CES5A: variants seen among roughly 807,000 people sequenced by gnomAD.
CES5A encodes the protein carboxylesterase 5A.
In CES5A, 67 loss-of-function variants were observed where a neutral mutation model predicts 62.9. The ratio of observed to expected loss-of-function variants is 1.07; its 90% confidence interval spans 0.88 to 1.31. The LOEUF (loss-of-function observed/expected upper bound fraction) is 1.31. CES5A is among the 50% of genes most tolerant of loss of function. The probability of loss-of-function intolerance (pLI) is 0.00; values close to 1 mark genes in which losing one functional copy is unlikely to be tolerated. For synonymous variants in CES5A, 296 were observed against 280.8 expected (o/e 1.05, Z -0.54); for missense variants, 748 against 708.5 (o/e 1.06, Z -0.63).
chr16:55,862,344 G>A (rs1191201635), intron 6 of CES5A, among the ~76,000 whole-genome samples: 2 of 152,118 alleles, frequency 1.3e-5, no homozygotes, highest in African/African-American at 4.8e-5. Context: ...GTGGAGTCTG[G>A]TACAGTTGTG....
At chr16:55,920,042 C>G (rs1022369384) in intron 1 of CES5A, among the ~76,000 whole-genome samples, 5 of 152,124 alleles carry the variant, frequency 3.3e-5, no homozygotes, top group Non-Finnish European at 5.9e-5. Context: ...CTTCCCCCAC[C>G]AGCAGGATAC....
At chr16:55,891,965 G>A (rs578120113) in intron 1 of CES5A, among the ~76,000 whole-genome samples, 13 of 152,244 alleles carry the variant, frequency 8.5e-5, no homozygotes, top group East Asian at 3.9e-4. Context: ...GGAAATTTAC[G>A]TCTGTAAAGA....
intron 2 of CES5A, among the ~76,000 whole-genome samples, chr16:55,938,070 G>A (rs6499806): frequency 0.22 from 34,086 of 151,990 alleles, 5,047 homozygotes; most frequent in Non-Finnish European, 0.33. Context: ...TGAGTTCCAC[G>A]AGTGAATAAG....
intron 11 of CES5A, among the ~76,000 whole-genome samples, chr16:55,848,838 C>A (rs1195200178): frequency 2.0e-5 from 3 of 152,190 alleles, no homozygotes; most frequent in South Asian, 4.1e-4. Flanking sequence ...TAGGTATTCA[C>A]TCTTACTTTA....
intron 1 of CES5A, among the ~76,000 whole-genome samples, chr16:55,887,545 C>T (rs1160829796): frequency 6.6e-6 from 1 of 152,070 alleles, no homozygotes; most frequent in Non-Finnish European, 1.5e-5. Context: ...AGCATCTCAC[C>T]AGGTAGACTT....
intron 11 of CES5A, among the ~76,000 whole-genome samples, chr16:55,848,821 C>T (rs545241078): frequency 2.6e-5 from 4 of 152,202 alleles, no homozygotes; most frequent in Non-Finnish European, 4.4e-5. Context: ...ATAACAGTGA[C>T]GTTTATTAGG....
chr16:55,873,169 C>T (rs2033628268), intron 2 of CES5A, among the ~76,000 whole-genome samples: 1 of 152,070 alleles, frequency 6.6e-6, no homozygotes, highest in South Asian at 2.1e-4. Context: ...CACTGCCCAC[C>T]CAGTAAGTCT....
At chr16:55,895,215 C>T (rs2033920063) in intron 1 of CES5A, among the ~76,000 whole-genome samples, 1 of 152,102 alleles carries the variant, frequency 6.6e-6, no homozygotes, top group South Asian at 2.1e-4. Context: ...TTTTTTTCCC[C>T]CAGGAATTCA....
chr16:55,919,745 A>T (rs1465783148), intron 1 of CES5A, among the ~76,000 whole-genome samples: 2 of 152,202 alleles, frequency 1.3e-5, no homozygotes, highest in Non-Finnish European at 2.9e-5. Context: ...CATTTTATCT[A>T]CCAAAAATTA....
At chr16:55,901,547 C>T (rs188031617) in intron 1 of CES5A, among the ~76,000 whole-genome samples, 76 of 152,336 alleles carry the variant, frequency 5.0e-4, no homozygotes, top group Admixed American at 8.5e-4. Context: ...GCAAATTCCC[C>T]ATCCTGGCAA....
exon 1 of CES5A, chr16:55,956,031 T>C: frequency 1.2e-6 from 1 of 841,560 alleles, no homozygotes; most frequent in South Asian, 1.7e-5. Context: ...CGTTGCCAGC[T>C]GGCTGCATTC....
In CES5A at chr16:55,856,427, G is replaced by GGA. The variant is rs756045272; in HGVS notation, c.1073_1074dup (p.Leu359SerfsTer13). The GGA allele has an allele frequency of 6.2e-7, 1 of 1,614,068 alleles. No individual in the cohort carries two copies. Among genetic ancestry groups the GGA allele is most frequent in the African/African-American group, 1.3e-5 (1 of 75,024 alleles). On this transcript the variant is annotated frameshift_variant, in exon 9 of 13. Transcript: ENST00000290567. LOFTEE classifies it high-confidence loss of function. ...GCAAGGGACTTGTTGGAGCCACTGA[G>GGA]GATCTCAGGAGCCTCCTTCTGTGGA...
At chr16:55,931,601 G>A (rs1037784686) in intron 2 of CES5A, among the ~76,000 whole-genome samples, 3 of 152,258 alleles carry the variant, frequency 2.0e-5, no homozygotes, top group South Asian at 4.1e-4. Flanking sequence ...GATCCTTTAT[G>A]CATGCCACTT....
intron 2 of CES5A, among the ~76,000 whole-genome samples, chr16:55,937,309 C>T (rs1246846868): frequency 6.6e-6 from 1 of 152,190 alleles, no homozygotes; most frequent in East Asian, 1.9e-4. Context: ...CTGCCTCCCT[C>T]GCTGGGCCAT....
rs181092753 is a variant in CES5A at position 55,936,922 on chromosome 16, T to C, written c.160+12863A>G. ...TAAACAATTTAATCCTGAAAACAAC[T>C]CTGGTGAGGGAGCATTATAATTATA... is the stretch of plus-strand genomic sequence containing the variant. On this transcript the variant is annotated intron_variant, in intron 2 of 13. Coordinates refer to the CES5A transcript ENST00000521992. Among the ~76,000 whole-genome samples the C allele has an allele frequency of 2.6e-5, 4 of 152,258 alleles. No homozygotes were observed. In the East Asian group the frequency reaches 5.8e-4, roughly 22 times the overall value.
intron 2 of CES5A, among the ~76,000 whole-genome samples, chr16:55,941,632 G>A (rs1597159894): frequency 6.6e-6 from 1 of 151,826 alleles, no homozygotes; most frequent in African/African-American, 2.4e-5. Flanking sequence ...AATTTATATG[G>A]ACATGGAAAA....
chr16:55,911,421 T>C (rs1465355412), intron 1 of CES5A, among the ~76,000 whole-genome samples: 1 of 152,210 alleles, frequency 6.6e-6, no homozygotes, highest in Non-Finnish European at 1.5e-5. Flanking sequence ...GTGGACAACA[T>C]ACAGTCTCTG....
At chr16:55,878,842 C>A, upstream of CES5A, among the ~76,000 whole-genome samples, 1 of 149,266 alleles carries the variant, frequency 6.7e-6, no homozygotes, top group African/African-American at 2.5e-5. Flanking sequence ...CACTGCACCC[C>A]CACCACTACC....
chr16:55,937,665 T>C (rs1385909404), intron 2 of CES5A, among the ~76,000 whole-genome samples: 1 of 152,210 alleles, frequency 6.6e-6, no homozygotes, highest in East Asian at 1.9e-4. Context: ...TCTGGAAATG[T>C]AGGAAAGTTG....
Sources: allele counts gnomAD v4.1 joint callset (sites outside exome capture counted in the v4.1 genomes callset), GRCh38; gene constraint gnomAD v4.1.1; transcripts MANE v1.5; gene names NCBI Gene and HGNC (gene_info 2026-07-23, HGNC 2026-07-21).